Variants in SYNJ2BP observed in about 807,000 individuals in gnomAD.
SYNJ2BP encodes synaptojanin 2 binding protein, also known as synaptojanin-2-binding protein.
In SYNJ2BP, 10 loss-of-function variants were observed where a neutral mutation model predicts 16.9. The ratio of observed to expected loss-of-function variants is 0.59; its 90% CI spans 0.36 to 1.00. The LOEUF (loss-of-function observed/expected upper bound fraction) is 1.00, where lower values mean the gene tolerates loss of function less well. Ranked by LOEUF, SYNJ2BP falls within the 50% of genes least tolerant of loss-of-function variation. SYNJ2BP has a pLI of 0.01. For missense variants in SYNJ2BP, 162 were observed against 186.7 expected (o/e 0.87, Z 0.77); for synonymous variants, 54 against 68.4 (o/e 0.79, Z 1.04).
intron 1 of SYNJ2BP, 75 bp downstream of exon 1, chr14:70,416,825 C>T: frequency 1.9e-6 from 3 of 1,606,044 alleles, no homozygotes; most frequent in Non-Finnish European, 2.6e-6. Context: ...CAGGTGAATC[C>T]GGCTCAGCAG....
At chr14:70,377,958 C>A (rs1887668980) in intron 2 of SYNJ2BP, among the ~76,000 whole-genome samples, 1 of 152,200 alleles carries the variant, frequency 6.6e-6, no homozygotes, top group Admixed American at 6.6e-5. Context: ...TGTAATCTCA[C>A]AATGTATGAG....
chr14:70,405,379 G>A (rs1392328323), intron 1 of SYNJ2BP, among the ~76,000 whole-genome samples: 2 of 151,988 alleles, frequency 1.3e-5, no homozygotes, highest in African/African-American at 4.8e-5. Flanking sequence ...GGTTTGAACA[G>A]GTTGTATTAG....
At chr14:70,379,716 C>T (rs7155162) in intron 2 of SYNJ2BP, among the ~76,000 whole-genome samples, 132,529 of 152,224 alleles carry the variant, frequency 0.87, 57,749 homozygotes, top group East Asian at 0.93. Context: ...TAGTTAACTC[C>T]TGACAGAATA....
chr14:70,375,462 AGTGTTGGGATTACAG>A (rs1887609413), intron 3 of SYNJ2BP, among the ~76,000 whole-genome samples, 199 bp downstream of exon 3: 1 of 152,150 alleles, frequency 6.6e-6, no homozygotes, highest in Non-Finnish European at 1.5e-5. Flanking sequence ...GGCCTCCCAA[AGTGTTGGGATTACAG>A]GTGTGAGCCA....
At chr14:70,392,005 A>G (rs1229795994) in intron 1 of SYNJ2BP, among the ~76,000 whole-genome samples, 3 of 152,196 alleles carry the variant, frequency 2.0e-5, no homozygotes, top group South Asian at 4.1e-4. Context: ...GACCAACTGA[A>G]CCTGGGCTGT....
chr14:70,373,208 C>T, intron 3 of SYNJ2BP, 77 bp from the exon 4 acceptor site: 1 of 1,577,128 alleles, frequency 6.3e-7, no homozygotes, highest in South Asian at 1.2e-5. Context: ...GATACATCAC[C>T]TGGGTTTGTA....
chr14:70,381,422 G>C (rs768923282), intron 2 of SYNJ2BP, among the ~76,000 whole-genome samples: 1 of 152,136 alleles, frequency 6.6e-6, no homozygotes, highest in Non-Finnish European at 1.5e-5. Context: ...CTTTACCCAA[G>C]GTAAACCAGC....
In SYNJ2BP at chr14:70,367,578, A is replaced by AG. The variant is rs1190162931; in HGVS notation, c.*5412_*5413insC. ...CTCCGTCTCAAAAAAAAAAAAAAAAAAAAAAAAAAGAAAAGAAAAGAATCT... is the reference window on the plus strand; with the variant it reads ...CTCCGTCTCAAAAAAAAAAAAAAAAAGAAAAAAAAAGAAAAGAAAAGAATCT... On this transcript the variant is annotated 3_prime_UTR_variant, in exon 4 of 4. Coordinates refer to ENST00000256366, the MANE Select transcript of SYNJ2BP (RefSeq NM_018373.3). The AG allele has an allele frequency of 9.9e-5, 15 of 151,422 alleles. No individual in the cohort carries two copies. The highest frequency in any genetic ancestry group is 2.1e-4 in the Non-Finnish European group (14 of 68,128). The allele number at this position is 151,422 out of a possible 1,614,324, so 9.4% of individuals were successfully genotyped here.
chr14:70,369,752 T>C lies in SYNJ2BP; in HGVS notation c.*3239A>G, dbSNP rs892093080. On this transcript the variant is annotated 3_prime_UTR_variant, in exon 4 of 4. Coordinates refer to ENST00000256366, the MANE Select transcript of SYNJ2BP (RefSeq NM_018373.3). The stretch of plus-strand genomic sequence containing the variant: ...AAATCGATAACACATAAGTTGAAAC[T>C]TCACAGGAAAACAAAGTACAGCTAG... 6.6e-6 allele frequency: 1 copy of C among 152,184 alleles called. No homozygotes were observed. The highest frequency in any genetic ancestry group is 1.5e-5 in the Non-Finnish European group (1 of 68,034). 9.4% of individuals were successfully genotyped at this position (152,184 alleles called of 1,614,324 possible). A position where few individuals can be genotyped will look rare whatever the true frequency, so the allele number is the denominator to read the frequency against.
intron 1 of SYNJ2BP, among the ~76,000 whole-genome samples, chr14:70,390,395 G>A (rs538261587): frequency 7.8e-4 from 119 of 151,920 alleles, no homozygotes; most frequent in African/African-American, 2.6e-3. Flanking sequence ...GGGGCCGGGC[G>A]CGGTGGCTCA....
At chr14:70,395,751 A>C (rs376657938) in intron 1 of SYNJ2BP, among the ~76,000 whole-genome samples, 1 of 152,324 alleles carries the variant, frequency 6.6e-6, no homozygotes, top group African/African-American at 2.4e-5. Context: ...CTTTTTATTC[A>C]AATAAAAACT....
Position 70,369,156 on chromosome 14 carries a change from G to T in SYNJ2BP, c.*3835C>A, listed in dbSNP as rs1887461783. 1 of 152,146 alleles carries T rather than the reference G, an allele frequency of 6.6e-6. No individual in the cohort carries two copies. The highest frequency in any genetic ancestry group is 6.6e-5 in the Admixed American group (1 of 15,266). 9.4% of individuals were successfully genotyped at this position (152,146 alleles called of 1,614,324 possible). On this transcript the variant is annotated 3_prime_UTR_variant, in exon 4 of 4. Transcript: ENST00000256366. ...TTTTGAGACAAGGTCTCACTCCGTTGCTCAGGCTAGAATGAAGTGGAGCAA... is the reference window on the plus strand; with the variant it reads ...TTTTGAGACAAGGTCTCACTCCGTTTCTCAGGCTAGAATGAAGTGGAGCAA...
chr14:70,412,397 A>G (rs1453636980), intron 1 of SYNJ2BP, among the ~76,000 whole-genome samples: 4 of 151,802 alleles, frequency 2.6e-5, no homozygotes, highest in African/African-American at 9.7e-5. Context: ...CAATTTCCCA[A>G]TCTAATAATG....
At chr14:70,376,871 A>G (rs1887641890) in intron 2 of SYNJ2BP, among the ~76,000 whole-genome samples, 1 of 152,186 alleles carries the variant, frequency 6.6e-6, no homozygotes, top group African/African-American at 2.4e-5. Flanking sequence ...CTAATGCTCA[A>G]GTCACTCCCT....
At chr14:70,374,779 T>A (rs1360013158) in intron 3 of SYNJ2BP, among the ~76,000 whole-genome samples, 2 of 152,184 alleles carry the variant, frequency 1.3e-5, no homozygotes, top group Admixed American at 6.5e-5. Context: ...AAACCCACCA[T>A]CTTTGTAGTG....
intron 1 of SYNJ2BP, among the ~76,000 whole-genome samples, chr14:70,399,400 G>A (rs981662524): frequency 6.6e-6 from 1 of 152,136 alleles, no homozygotes; most frequent in East Asian, 1.9e-4. Flanking sequence ...ACTGCCCGGG[G>A]CCCAGCCCTG....
intron 1 of SYNJ2BP, among the ~76,000 whole-genome samples, chr14:70,406,209 T>G (rs1365646476): frequency 6.6e-6 from 1 of 152,172 alleles, no homozygotes; most frequent in East Asian, 1.9e-4. Context: ...TCAGGTTACC[T>G]TTGCAGAATA....
At chr14:70,412,924 GTAAC>G (rs754821986) in intron 1 of SYNJ2BP, among the ~76,000 whole-genome samples, 2 of 152,086 alleles carry the variant, frequency 1.3e-5, no homozygotes, top group East Asian at 1.9e-4. Context: ...ACTTTTTAGA[GTAAC>G]TGAGTTTTGA....
chr14:70,405,922 CTT>C (rs1265034325), intron 1 of SYNJ2BP, among the ~76,000 whole-genome samples: 1 of 152,128 alleles, frequency 6.6e-6, no homozygotes, highest in Non-Finnish European at 1.5e-5. Flanking sequence ...GAGTAAAGGT[CTT>C]TGCTTTCAAT....
Sources: allele counts gnomAD v4.1 joint callset (sites outside exome capture counted in the v4.1 genomes callset), GRCh38; gene constraint gnomAD v4.1.1; transcripts MANE v1.5; gene names NCBI Gene and HGNC (gene_info 2026-07-23, HGNC 2026-07-21).